The following SLC2A13 variants were observed in gnomAD, a reference collection of about 807,000 sequenced individuals.
SLC2A13 encodes the protein proton myo-inositol cotransporter.
SLC2A13 carries 32 observed loss-of-function variants against 64.4 expected under a neutral mutation model. The observed-to-expected ratio is 0.50, with a 90% CI of 0.37 to 0.67. The LOEUF is 0.67. SLC2A13 is among the 30% of genes least tolerant of loss of function. The probability of loss-of-function intolerance (pLI) is 0.00; values close to 1 mark genes in which losing one functional copy is unlikely to be tolerated. For missense variants in SLC2A13, 743 were observed against 829.2 expected (o/e 0.90, Z 1.28); for synonymous variants, 338 against 327.1 (o/e 1.03, Z -0.36).
At chr12:40,080,911 T>G (rs1005285015) in intron 1 of SLC2A13, among the ~76,000 whole-genome samples, 1 of 152,240 alleles carries the variant, frequency 6.6e-6, no homozygotes, top group African/African-American at 2.4e-5. Flanking sequence ...ATGAATTCCC[T>G]TAGTGTTTGC....
chr12:40,097,745 T>C (rs867126496), intron 1 of SLC2A13, among the ~76,000 whole-genome samples: 16 of 152,264 alleles, frequency 1.1e-4, no homozygotes, highest in Middle Eastern at 3.4e-3. Context: ...GGTGGGAATA[T>C]TGAGAAATTG....
At chr12:40,094,510 T>A (rs527310967) in intron 1 of SLC2A13, among the ~76,000 whole-genome samples, 1 of 152,128 alleles carries the variant, frequency 6.6e-6, no homozygotes, top group Non-Finnish European at 1.5e-5. Context: ...CATAAAGACA[T>A]GATTTACTTG....
intron 7 of SLC2A13, among the ~76,000 whole-genome samples, chr12:39,770,178 C>A (rs1940510930): frequency 6.6e-6 from 1 of 152,062 alleles, no homozygotes; most frequent in Non-Finnish European, 1.5e-5. Flanking sequence ...CTCTCATAAT[C>A]ATCTCATCTA....
rs373935947 is a variant in SLC2A13, at chr12:40,079,948, C to G, written c.556+25305G>C. ...GCACAATCTCAGCTCACTACAACCT[C>G]CATCTCCCAGGTTCAAGTGATTACC... On this transcript the variant is annotated intron_variant, in intron 1 of 9. Transcript: ENST00000280871. 6.1e-4 allele frequency among the ~76,000 whole-genome samples: 93 copies of G among 152,302 alleles called. 3 individuals carry two copies. The South Asian group carries it at 0.018, about 30-fold the overall frequency.
chr12:39,936,094 T>A (rs1945912961), intron 4 of SLC2A13, among the ~76,000 whole-genome samples: 1 of 152,212 alleles, frequency 6.6e-6, no homozygotes, highest in Admixed American at 6.5e-5. Flanking sequence ...TATGTCAAGA[T>A]GAGACATAAT....
intron 3 of SLC2A13, among the ~76,000 whole-genome samples, chr12:39,963,286 C>CAAAAAAAAA (rs71434304): frequency 8.9e-6 from 1 of 112,912 alleles, no homozygotes; most frequent in Non-Finnish European, 1.7e-5. Flanking sequence ...GACTCCGTCT[C>CAAAAAAAAA]AAAAAAAAAA....
intron 3 of SLC2A13, among the ~76,000 whole-genome samples, chr12:39,972,218 T>G (rs1260132710): frequency 6.6e-6 from 1 of 151,534 alleles, no homozygotes; most frequent in East Asian, 1.9e-4. Context: ...AATTGTTATC[T>G]CTAAGAATCA....
At position 39,846,884 on chromosome 12, in the gene SLC2A13, T is replaced by C. The variant is rs941865265; in HGVS notation, c.1320-16656A>G. Among the ~76,000 whole-genome samples, 3 of 152,262 alleles carry C rather than the reference T, an allele frequency of 2.0e-5. No homozygotes were observed. The East Asian group carries it at 5.8e-4, about 29-fold the overall frequency. On this transcript the variant is annotated intron_variant, in intron 6 of 9. Coordinates refer to ENST00000280871, the MANE Select transcript of SLC2A13 (RefSeq NM_052885.4). Reference sequence around the variant, plus strand: ...AAAGTGATCCACACAATGTTAACTATATAATAAATGGCAGATACTGTGACC... The same window carrying C: ...AAAGTGATCCACACAATGTTAACTACATAATAAATGGCAGATACTGTGACC...
At chr12:40,048,756 A>C (rs1467978746) in intron 1 of SLC2A13, among the ~76,000 whole-genome samples, 3 of 152,202 alleles carry the variant, frequency 2.0e-5, no homozygotes, top group African/African-American at 7.2e-5. Flanking sequence ...AGAGTTTTAC[A>C]GCTAAGGTGT....
intron 7 of SLC2A13, among the ~76,000 whole-genome samples, chr12:39,822,995 AAT>A (rs1200051705): frequency 6.6e-6 from 1 of 152,214 alleles, no homozygotes; most frequent in African/African-American, 2.4e-5. Context: ...CCGAGTCTGC[AAT>A]ATAGTCACTA....
chr12:39,824,447 T>C (rs1942611719), intron 7 of SLC2A13, among the ~76,000 whole-genome samples: 1 of 152,244 alleles, frequency 6.6e-6, no homozygotes, highest in South Asian at 2.1e-4. Flanking sequence ...ATCTGGAGAC[T>C]ATTCTCAGAG....
At chr12:40,045,269 G>A (rs17489232) in intron 2 of SLC2A13, among the ~76,000 whole-genome samples, 1,964 of 152,040 alleles carry the variant, frequency 0.013, 32 homozygotes, top group African/African-American at 0.045. Flanking sequence ...GACATCTAAT[G>A]TGAAGATATA....
chr12:39,797,301 T>C (rs1301144776), intron 7 of SLC2A13, among the ~76,000 whole-genome samples: 2 of 152,194 alleles, frequency 1.3e-5, no homozygotes, highest in Non-Finnish European at 2.9e-5. Flanking sequence ...CATTGAAAAA[T>C]GCTAACATTT....
chr12:39,867,743 TTATA>T (rs1395841738), intron 5 of SLC2A13, among the ~76,000 whole-genome samples: 1 of 152,186 alleles, frequency 6.6e-6, no homozygotes, highest in African/African-American at 2.4e-5. Flanking sequence ...TCTTTTGTTA[TTATA>T]TATAGTGATG....
At chr12:39,838,695 C>T (rs905496908) in intron 6 of SLC2A13, among the ~76,000 whole-genome samples, 4 of 152,004 alleles carry the variant, frequency 2.6e-5, no homozygotes, top group Non-Finnish European at 4.4e-5. Context: ...TTCAATCAAT[C>T]GTTTATATGT....
intron 2 of SLC2A13, among the ~76,000 whole-genome samples, chr12:40,036,547 A>T (rs1296345709): frequency 6.6e-6 from 1 of 152,222 alleles, no homozygotes; most frequent in Non-Finnish European, 1.5e-5. Flanking sequence ...TTCATATGGA[A>T]TCATGGGGAA....
At chr12:39,855,041 TAGGC>T (rs1169426301) in intron 6 of SLC2A13, among the ~76,000 whole-genome samples, 2 of 152,180 alleles carry the variant, frequency 1.3e-5, no homozygotes, top group African/African-American at 4.8e-5. Flanking sequence ...GTTAGGAAGG[TAGGC>T]AGTAAACTAC....
At chr12:39,801,713 T>C (rs1335205652) in intron 7 of SLC2A13, among the ~76,000 whole-genome samples, 2 of 152,340 alleles carry the variant, frequency 1.3e-5, no homozygotes, top group East Asian at 3.9e-4. Flanking sequence ...TTATTTAAAC[T>C]GTCTGGGATT....
intron 3 of SLC2A13, among the ~76,000 whole-genome samples, chr12:39,997,195 C>T (rs1194532572): frequency 6.6e-6 from 1 of 152,124 alleles, no homozygotes; most frequent in Non-Finnish European, 1.5e-5. Flanking sequence ...AGCACATAGA[C>T]CAATGGAACA....
Sources: allele counts gnomAD v4.1 joint callset (sites outside exome capture counted in the v4.1 genomes callset), GRCh38; gene constraint gnomAD v4.1.1; transcripts MANE v1.5; gene names NCBI Gene and HGNC (gene_info 2026-07-23, HGNC 2026-07-21).